DNAH11: variants seen among roughly 807,000 people sequenced by gnomAD.
DNAH11 encodes dynein axonemal heavy chain 11, also known as axonemal beta dynein heavy chain 11.
DNAH11 carries 442 observed loss-of-function variants against 526.0 expected under a neutral mutation model. The ratio of observed to expected loss-of-function variants is 0.84; its 90% CI spans 0.78 to 0.91. The LOEUF is 0.91. Among genes scored for constraint, DNAH11 ranks in the 40% least tolerant of loss-of-function variants. The pLI, the probability that DNAH11 is intolerant of heterozygous loss-of-function variation, is 0.00. For missense variants in DNAH11, 6,989 were observed against 5,448.7 expected (o/e 1.28, Z -8.90); for synonymous variants, 2,461 against 1,935.9 (o/e 1.27, Z -7.12).
In DNAH11 at chr7:21,769,181, A is replaced by T. The variant is rs561639988; in HGVS notation, c.9102+3592A>T. ...TTTATCTTGATTCTGCTTAAGTCTT[A>T]TACTGGCTTAAGCATATCTTCAGAT... On this transcript the variant is annotated intron_variant, in intron 55 of 81. Transcript: ENST00000409508. 1.2e-4 allele frequency among the ~76,000 whole-genome samples: 19 copies of T among 152,366 alleles called. 1 individual carries two copies. The highest frequency in any genetic ancestry group is 4.3e-4 in the African/African-American group (18 of 41,598).
intron 7 of DNAH11, 58 bp downstream of exon 7, chr7:21,570,357 C>G: frequency 7.3e-7 from 1 of 1,361,542 alleles, no homozygotes; most frequent in Non-Finnish European, 1.0e-6. Context: ...AAGCCAGTAG[C>G]TTTTCACATG....
At chr7:21,599,721 G>T in intron 14 of DNAH11, 66 bp from the exon 15 acceptor site, 2 of 1,204,736 alleles carry the variant, frequency 1.7e-6, no homozygotes, top group Non-Finnish European at 2.2e-6. Context: ...CTATTTAAAC[G>T]GAGAGTTTTA....
chr7:21,770,320 G>A (rs1259295430), intron 55 of DNAH11, among the ~76,000 whole-genome samples: 26 of 152,188 alleles, frequency 1.7e-4, no homozygotes, highest in Admixed American at 1.7e-3. Context: ...TGCACATAGT[G>A]CAAAGGTAAT....
Position 21,615,173 on chromosome 7 carries a change from T to A in DNAH11, c.3912T>A (p.Arg1304=). The change falls in exon 21 of 82, where the codon CGT becomes CGA. Residue 1304 remains arginine (R), a synonymous_variant. Coordinates refer to ENST00000409508, the MANE Select transcript of DNAH11 (RefSeq NM_001277115.2). ...EEMLQMQEST[R]LFEVALPEYK... is the part of the protein sequence containing the mutation. ...TGTTGCAGATGCAAGAATCTACTCGTCTTTTTGAAGTGGCTCTTCCAGAGT... is the reference window on the plus strand; with the variant it reads ...TGTTGCAGATGCAAGAATCTACTCGACTTTTTGAAGTGGCTCTTCCAGAGT... 1.2e-6 allele frequency: 2 copies of A among 1,613,166 alleles called. No homozygotes were observed. Among genetic ancestry groups the A allele is most frequent in the Non-Finnish European group, 1.7e-6 (2 of 1,179,502 alleles).
At chr7:21,661,631 A>G (rs1324374165) in intron 30 of DNAH11, among the ~76,000 whole-genome samples, 2 of 152,014 alleles carry the variant, frequency 1.3e-5, no homozygotes, top group Non-Finnish European at 2.9e-5. Context: ...GCATATGATT[A>G]AGAAGAAAGA....
chr7:21,684,029 G>A (rs969231067), intron 32 of DNAH11, 85 bp downstream of exon 32: 9 of 1,279,528 alleles, frequency 7.0e-6, no homozygotes, highest in South Asian at 2.8e-5. Context: ...GGAATGAGAG[G>A]AAACGATGAA....
chr7:21,890,823 A>G (rs1232894423), intron 76 of DNAH11, among the ~76,000 whole-genome samples: 1 of 152,194 alleles, frequency 6.6e-6, no homozygotes, highest in Non-Finnish European at 1.5e-5. Context: ...TGGTGGTGAA[A>G]TAGTCCAACT....
chr7:21,560,536 T>C (rs4607494), intron 4 of DNAH11, among the ~76,000 whole-genome samples: 43,121 of 152,092 alleles, frequency 0.28, 6,641 homozygotes, highest in East Asian at 0.51. Flanking sequence ...GGTGTAAGTC[T>C]AAGAGTCCAA....
In DNAH11 at chr7:21,802,069, G is replaced by A. The variant is rs551974224; in HGVS notation, c.10165+794G>A. ...TATCTAAAACAGGGATGTGGATAAC[G>A]TTTCCCTTACAAGGTTGTGATGATT... On this transcript the variant is annotated intron_variant, in intron 62 of 81. Coordinates refer to ENST00000409508, the MANE Select transcript of DNAH11 (RefSeq NM_001277115.2). 1.4e-4 allele frequency among the ~76,000 whole-genome samples: 21 copies of A among 152,236 alleles called. No individual in the cohort carries two copies. In the East Asian group the frequency reaches 2.3e-3, roughly 17 times the overall value.
chr7:21,634,310 A>G (rs939630404), intron 25 of DNAH11, among the ~76,000 whole-genome samples: 2 of 152,222 alleles, frequency 1.3e-5, no homozygotes, highest in Admixed American at 6.5e-5. Context: ...GAGATAAGCC[A>G]GCTGAGAATA....
intron 42 of DNAH11, among the ~76,000 whole-genome samples, chr7:21,714,645 G>T (rs538687114): frequency 3.9e-4 from 60 of 152,264 alleles, no homozygotes; most frequent in African/African-American, 1.4e-3. Context: ...GTTTTCTTCA[G>T]AGTCAAAACT....
chr7:21,776,963 T>C (rs1358913626), intron 56 of DNAH11, among the ~76,000 whole-genome samples: 1 of 150,388 alleles, frequency 6.6e-6, no homozygotes, highest in Non-Finnish European at 1.5e-5. Context: ...TGTGTGTGTG[T>C]ATGTTTTATG....
chr7:21,697,458 A>G (rs967861780), intron 35 of DNAH11, among the ~76,000 whole-genome samples: 4 of 152,214 alleles, frequency 2.6e-5, no homozygotes, highest in East Asian at 1.9e-4. Flanking sequence ...AATGAAAACT[A>G]AATTGTATCA....
chr7:21,721,990 T>C (rs1784895476), intron 44 of DNAH11, among the ~76,000 whole-genome samples: 1 of 152,192 alleles, frequency 6.6e-6, no homozygotes, highest in South Asian at 2.1e-4. Flanking sequence ...ATAGCCCTTT[T>C]GTGTCTTCTG....
At chr7:21,708,455 C>G (rs1310084579) in intron 40 of DNAH11, among the ~76,000 whole-genome samples, 1 of 152,194 alleles carries the variant, frequency 6.6e-6, no homozygotes, top group Non-Finnish European at 1.5e-5. Context: ...CTCGCCTGTA[C>G]TACAGCAGCG....
chr7:21,566,994 A>T (rs1783698022), intron 6 of DNAH11, among the ~76,000 whole-genome samples: 1 of 152,212 alleles, frequency 6.6e-6, no homozygotes, highest in African/African-American at 2.4e-5. Flanking sequence ...AAACTATACA[A>T]AGATCCCCTC....
At chr7:21,709,071 A>G (rs1338980595) in intron 40 of DNAH11, among the ~76,000 whole-genome samples, 2 of 152,222 alleles carry the variant, frequency 1.3e-5, no homozygotes, top group African/African-American at 4.8e-5. Context: ...CAATCCCATT[A>G]CTGGGTATAT....
intron 57 of DNAH11, 57 bp downstream of exon 57, chr7:21,779,161 T>C: frequency 6.5e-7 from 1 of 1,545,368 alleles, no homozygotes. Flanking sequence ...AAATAAACCT[T>C]GGTAGGTGAA....
chr7:21,828,363 G>T (rs1790396574), intron 65 of DNAH11, among the ~76,000 whole-genome samples: 1 of 152,126 alleles, frequency 6.6e-6, no homozygotes, highest in Non-Finnish European at 1.5e-5. Context: ...ATAGACTTCA[G>T]CATTCCAGTC....
Sources: gnomAD v4.1 joint callset for allele counts (sites outside exome capture counted in the v4.1 genomes callset) on GRCh38, gnomAD v4.1.1 for gene constraint, MANE v1.5 for transcripts, NCBI Gene and HGNC (gene_info 2026-07-23, HGNC 2026-07-21) for gene names.